ACO1: variants seen among roughly 807,000 people sequenced by gnomAD.
ACO1 encodes the protein aconitase 1, also known as cytoplasmic aconitate hydratase.
Under a neutral mutation model 105.1 loss-of-function variants are expected in ACO1, and 78 were observed. That is an observed-to-expected ratio of 0.74 (90% confidence interval 0.62 to 0.90). ACO1 has a LOEUF of 0.90. Among genes scored for constraint, ACO1 ranks in the 40% least tolerant of loss-of-function variants. The pLI is 0.00. For synonymous variants in ACO1, 364 were observed against 397.4 expected (o/e 0.92, Z 1.00); for missense variants, 965 against 1,111.1 (o/e 0.87, Z 1.87).
chr9:32,418,504 T>C lies in ACO1; in HGVS notation c.651T>C (p.Leu217=), dbSNP rs1410175579. 1.2e-6 allele frequency: 2 copies of C among 1,612,058 alleles called. No individual in the cohort carries two copies. Among genetic ancestry groups the C allele is most frequent in the Non-Finnish European group, 1.7e-6 (2 of 1,178,326 alleles). ...HTTMIDGLGI[L]GWGVGGIEAE... ...CCATGATTGATGGCTTGGGCATTCT[T>C]GGTTGGGGTGAGTGTTCTTCCATAT... The change falls in exon 6 of 21, where the codon CTT becomes CTC. Residue 217 remains leucine, a synonymous_variant. Coordinates refer to ENST00000309951, the MANE Select transcript of ACO1 (RefSeq NM_002197.3).
intron 11 of ACO1, among the ~76,000 whole-genome samples, chr9:32,426,366 C>T (rs980580752): frequency 3.3e-5 from 5 of 152,182 alleles, no homozygotes; most frequent in East Asian, 1.9e-4. Context: ...TGAGTTCTGA[C>T]GTGAATGCTG....
chr9:32,401,352 G>A (rs1296623855), intron 1 of ACO1, among the ~76,000 whole-genome samples: 1 of 151,344 alleles, frequency 6.6e-6, no homozygotes, highest in African/African-American at 2.4e-5. Context: ...TCCCCCTGAG[G>A]GAAATTTGCA....
chr9:32,432,240 TTAAAAA>T (rs761724806), intron 15 of ACO1, among the ~76,000 whole-genome samples: 3 of 152,122 alleles, frequency 2.0e-5, no homozygotes, highest in South Asian at 2.1e-4. Flanking sequence ...TTTTGCACAC[TTAAAAA>T]TAAAGAAATT....
chr9:32,427,602 A>G (rs2375965), intron 12 of ACO1, among the ~76,000 whole-genome samples, 166 bp downstream of exon 12: 140,043 of 152,218 alleles, frequency 0.92, 64,725 homozygotes, highest in East Asian at 1. Context: ...ATCTAAAGAG[A>G]GCCCTCTTGC....
chr9:32,417,215 A>T (rs1381336454), intron 4 of ACO1, among the ~76,000 whole-genome samples: 1 of 152,156 alleles, frequency 6.6e-6, no homozygotes, highest in Admixed American at 6.5e-5. Flanking sequence ...ACTCAAAGGG[A>T]TATTATGGAG....
In ACO1 at chr9:32,452,974, C is replaced by G. The variant is rs1210585564; in HGVS notation, c.*2863C>G. The G allele has an allele frequency of 6.1e-5, 6 of 99,096 alleles. No homozygotes were observed. The highest frequency in any genetic ancestry group is 2.5e-4 in the East Asian group (1 of 4,000). 6.1% of individuals were successfully genotyped at this position (99,096 alleles called of 1,614,324 possible). ...ATCAATCAATCACCACCCCCCCCCC[C>G]CCCAAAAAAAAAAGTATCTTGGCCA... On this transcript the variant is annotated 3_prime_UTR_variant, in exon 21 of 21. Coordinates refer to ENST00000309951, the MANE Select transcript of ACO1 (RefSeq NM_002197.3).
Position 32,430,467 on chromosome 9 carries a change from G to A in ACO1, c.1619G>A (p.Gly540Asp). Reference sequence around the variant, plus strand: ...CTATCTGGAAACAGGAATTTTGAAGGTCGAGTTCACCCCAACACCCGGGCC... The same window carrying A: ...CTATCTGGAAACAGGAATTTTGAAGATCGAGTTCACCCCAACACCCGGGCC... ...GVLSGNRNFE[G>D]RVHPNTRANY... Residue 540 changes from glycine to aspartate, a missense_variant, in exon 14 of 21, where the codon GGT becomes GAT. Physicochemically the swap from Gly to Asp is moderately conservative, Grantham distance 94. Coordinates refer to ENST00000309951, the MANE Select transcript of ACO1 (RefSeq NM_002197.3). The A allele has an allele frequency of 1.2e-6, 2 of 1,611,766 alleles. No homozygotes were observed. Among genetic ancestry groups the A allele is most frequent in the South Asian group, 1.1e-5 (1 of 90,346 alleles).
chr9:32,418,219 A>G (rs1299570892), intron 5 of ACO1, 22 bp downstream of exon 5: 1 of 1,613,946 alleles, frequency 6.2e-7, no homozygotes, highest in Non-Finnish European at 8.5e-7. Flanking sequence ...GTCTGGTTCC[A>G]TTGTTTGGTT....
intron 1 of ACO1, among the ~76,000 whole-genome samples, chr9:32,393,341 A>G (rs987879525): frequency 4.6e-5 from 7 of 152,162 alleles, no homozygotes; most frequent in Non-Finnish European, 7.3e-5. Flanking sequence ...TAGGGAAGAA[A>G]TAAGCCCCAG....
chr9:32,450,139 G>T lies in ACO1; in HGVS notation c.*28G>T. 1.3e-6 allele frequency: 2 copies of T among 1,577,414 alleles called. No individual in the cohort carries two copies. The highest frequency in any genetic ancestry group is 1.7e-6 in the Non-Finnish European group (2 of 1,148,332). ...GACGTGCACTTGGTGCTGCGCCCAG[G>T]GAGGAAGCCGCACCACCAGCCAGCG... is the stretch of plus-strand genomic sequence containing the variant. On this transcript the variant is annotated 3_prime_UTR_variant, in exon 21 of 21. Transcript: ENST00000309951.
rs1377505916 is a variant in ACO1 at position 32,434,599 on chromosome 9, A to G, written c.1997A>G (p.Tyr666Cys). 5 of 1,613,990 alleles carry G rather than the reference A, an allele frequency of 3.1e-6. No homozygotes were observed. Among genetic ancestry groups the G allele is most frequent in the East Asian group, 4.5e-5 (2 of 44,888 alleles). Residue 666 changes from tyrosine (Y) to cysteine (C), a missense_variant, in exon 17 of 21, where the codon TAT (tyrosine) becomes TGT (cysteine). Transcript: ENST00000309951. ...LQPPKSIVDA[Y>C]VLLNLGDSVT... is the part of the protein sequence containing the mutation. ...CCCCCTAAATCTATAGTGGATGCCT[A>G]TGTGCTGCTAAATTTGGGAGATTCG...
intron 1 of ACO1, among the ~76,000 whole-genome samples, chr9:32,405,131 C>T (rs970929893): frequency 6.6e-6 from 1 of 152,176 alleles, no homozygotes; most frequent in African/African-American, 2.4e-5. Flanking sequence ...AGGAAAGAGG[C>T]GCTGGGCAAA....
intron 17 of ACO1, among the ~76,000 whole-genome samples, chr9:32,435,496 C>G (rs1822335606): frequency 6.6e-6 from 1 of 152,198 alleles, no homozygotes; most frequent in Admixed American, 6.5e-5. Context: ...TAAACTCTCT[C>G]AGTCCTTAAA....
At chr9:32,395,971 G>C (rs1821364834) in intron 1 of ACO1, among the ~76,000 whole-genome samples, 1 of 152,216 alleles carries the variant, frequency 6.6e-6, no homozygotes, top group South Asian at 2.1e-4. Context: ...AACTAGGGGA[G>C]CCCTCAAGAG....
intron 17 of ACO1, 60 bp downstream of exon 17, chr9:32,434,761 G>GCCAGCATTTT: frequency 2.5e-6 from 4 of 1,586,666 alleles, no homozygotes; most frequent in Non-Finnish European, 3.4e-6. Flanking sequence ...AGTTAATGAG[G>GCCAGCATTTT]CCAGCATTTC....
chr9:32,417,494 AT>A (rs1192531427), intron 4 of ACO1, among the ~76,000 whole-genome samples: 6 of 152,198 alleles, frequency 3.9e-5, no homozygotes, highest in Admixed American at 1.3e-4. Context: ...ATGCAGTTTG[AT>A]TTTTAAAATC....
At chr9:32,415,024 C>T (rs1005190842) in intron 4 of ACO1, among the ~76,000 whole-genome samples, 3 of 151,946 alleles carry the variant, frequency 2.0e-5, no homozygotes, top group Non-Finnish European at 4.4e-5. Flanking sequence ...GATCCTGAGC[C>T]TGTTTACCAA....
intron 9 of ACO1, among the ~76,000 whole-genome samples, chr9:32,424,287 G>A (rs1587539153): frequency 1.3e-5 from 2 of 152,332 alleles, no homozygotes; most frequent in East Asian, 3.9e-4. Flanking sequence ...AGCATCTGCA[G>A]CACCCACCCT....
intron 1 of ACO1, among the ~76,000 whole-genome samples, chr9:32,404,480 T>C (rs1306532953): frequency 6.6e-6 from 1 of 152,184 alleles, no homozygotes; most frequent in East Asian, 1.9e-4. Flanking sequence ...CCAACTTTTA[T>C]AAGCCAAGAA....
Sources: allele counts gnomAD v4.1 joint callset (sites outside exome capture counted in the v4.1 genomes callset), GRCh38; gene constraint gnomAD v4.1.1; transcripts MANE v1.5; gene names NCBI Gene and HGNC (gene_info 2026-07-23, HGNC 2026-07-21).